Variants in PSD3 observed in about 807,000 individuals in gnomAD.
The protein encoded by PSD3 is pleckstrin and Sec7 domain containing 3.
PSD3 carries 49 observed loss-of-function variants against 105.5 expected under a neutral mutation model. The observed-to-expected ratio is 0.46, with a 90% confidence interval of 0.37 to 0.59. PSD3 has a LOEUF of 0.59. Among genes scored for constraint, PSD3 ranks in the 20% least tolerant of loss-of-function variants. The pLI, the probability that PSD3 is intolerant of heterozygous loss-of-function variation, is 0.00. For synonymous variants in PSD3, 557 were observed against 457.8 expected, an observed-to-expected ratio of 1.22 and a Z score of -2.77; for missense variants, 1,561 against 1,263.8, an observed-to-expected ratio of 1.24 and a Z score of -3.57.
chr8:18,865,270 ATATATATATATATATATTTTTTTT>A (rs1816818411), intron 4 of PSD3: 3 of 2,336 alleles, frequency 1.3e-3, no homozygotes, highest in African/African-American at 5.0e-3. Flanking sequence ...ATATATATAT[ATATATATATATATATATTTTTTTT>A]TTTTTTTTTT....
intron 9 of PSD3, among the ~76,000 whole-genome samples, chr8:18,669,951 C>T (rs1437020926): frequency 3.9e-5 from 6 of 152,180 alleles, no homozygotes; most frequent in Non-Finnish European, 7.4e-5. Flanking sequence ...ATTTAGGCAT[C>T]GTGAATCCAG....
intron 4 of PSD3, among the ~76,000 whole-genome samples, chr8:18,837,435 C>G (rs1027286808): frequency 3.9e-5 from 6 of 152,174 alleles, no homozygotes; most frequent in African/African-American, 7.2e-5. Flanking sequence ...ATACGCCAAG[C>G]TCAAGAGGAG....
chr8:18,602,078 G>T (rs4921941), intron 11 of PSD3, among the ~76,000 whole-genome samples: 7 of 152,018 alleles, frequency 4.6e-5, no homozygotes, highest in African/African-American at 7.3e-5. Flanking sequence ...GCTAATGCTG[G>T]AATGGAACCT....
intron 4 of PSD3, among the ~76,000 whole-genome samples, chr8:18,847,201 G>C (rs936994740): frequency 6.6e-6 from 1 of 152,180 alleles, no homozygotes; most frequent in Non-Finnish European, 1.5e-5. Context: ...CCAGTCACTT[G>C]AGCCAAGGAA....
chr8:19,007,335 G>T (rs1432362757), intron 1 of PSD3, among the ~76,000 whole-genome samples: 16 of 152,086 alleles, frequency 1.1e-4, no homozygotes. Context: ...TTGCTGTAAA[G>T]TTGCCCTAAT....
chr8:18,629,972 T>C (rs997158854), intron 11 of PSD3, among the ~76,000 whole-genome samples: 9 of 151,764 alleles, frequency 5.9e-5, no homozygotes, highest in Admixed American at 3.3e-4. Context: ...GCCTGAGGAA[T>C]TAAAGGCAGC....
At chr8:18,738,900 CA>C (rs1053157904) in intron 9 of PSD3, among the ~76,000 whole-genome samples, 2 of 2,994 alleles carry the variant, frequency 6.7e-4, no homozygotes, top group South Asian at 0.083. Flanking sequence ...AAATTCTAGT[CA>C]TTTTTTTTGT....
chr8:18,714,351 A>C (rs1369699333), intron 9 of PSD3, among the ~76,000 whole-genome samples: 2 of 152,010 alleles, frequency 1.3e-5, no homozygotes, highest in Non-Finnish European at 2.9e-5. Flanking sequence ...CAACCCACAG[A>C]ATGGGAAAAA....
At chr8:18,873,697 C>A (rs1817540732) in intron 2 of PSD3, among the ~76,000 whole-genome samples, 2 of 152,118 alleles carry the variant, frequency 1.3e-5, no homozygotes, top group Admixed American at 6.5e-5. Flanking sequence ...TACCTATCTG[C>A]AATTTTGTAT....
intron 1 of PSD3, among the ~76,000 whole-genome samples, chr8:19,018,946 A>G (rs1422551464): frequency 1.3e-5 from 2 of 152,170 alleles, no homozygotes; most frequent in Non-Finnish European, 2.9e-5. Flanking sequence ...ACAGGCGCAC[A>G]CAGCCACACC....
chr8:18,787,948 G>C (rs1023343310), intron 8 of PSD3, among the ~76,000 whole-genome samples: 9 of 152,192 alleles, frequency 5.9e-5, no homozygotes, highest in African/African-American at 2.2e-4. Context: ...AAGGACCAGA[G>C]AGTAAATATT....
At chr8:18,728,506 C>A (rs564445457) in intron 9 of PSD3, among the ~76,000 whole-genome samples, 1 of 152,190 alleles carries the variant, frequency 6.6e-6, no homozygotes, top group South Asian at 2.1e-4. Context: ...GTGTTTCAGG[C>A]AGAGGAAACA....
intron 1 of PSD3, among the ~76,000 whole-genome samples, chr8:18,983,459 C>T (rs1825341937): frequency 6.6e-6 from 1 of 152,208 alleles, no homozygotes. Flanking sequence ...CTTCAACACG[C>T]CCTTCTCACT....
At chr8:18,706,670 C>T (rs909960607) in intron 9 of PSD3, among the ~76,000 whole-genome samples, 8 of 152,294 alleles carry the variant, frequency 5.3e-5, no homozygotes, top group African/African-American at 1.7e-4. Context: ...GATATAGAAG[C>T]TGCATCTAAT....
intron 14 of PSD3, among the ~76,000 whole-genome samples, chr8:18,557,744 T>C (rs1448459236): frequency 6.6e-6 from 1 of 152,246 alleles, no homozygotes; most frequent in African/African-American, 2.4e-5. Flanking sequence ...GAAAGGCGTC[T>C]ACATCTCCAA....
chr8:19,006,105 C>A lies in PSD3; in HGVS notation c.21+7458G>T, dbSNP rs180687524. Among the ~76,000 whole-genome samples the A allele has an allele frequency of 1.8e-3, 280 of 151,422 alleles. 2 individuals carry two copies. Among genetic ancestry groups the A allele is most frequent in the African/African-American group, 6.5e-3 (269 of 41,326 alleles). ...GTCAAGAGATTCAGATCATCCTGGGCCAAAATGGTGAAACCCGTCTCTATT... is the reference window on the plus strand; with the variant it reads ...GTCAAGAGATTCAGATCATCCTGGGACAAAATGGTGAAACCCGTCTCTATT... On this transcript the variant is annotated intron_variant, in intron 1 of 15. Coordinates refer to ENST00000327040, the MANE Select transcript of PSD3 (RefSeq NM_015310.4).
chr8:18,692,884 G>T (rs888600315), intron 9 of PSD3, among the ~76,000 whole-genome samples: 1 of 152,116 alleles, frequency 6.6e-6, no homozygotes, highest in African/African-American at 2.4e-5. Context: ...AGATAGTTGG[G>T]GAACAATTAA....
intron 9 of PSD3, among the ~76,000 whole-genome samples, chr8:18,696,997 C>T (rs1020646007): frequency 6.6e-6 from 1 of 152,136 alleles, no homozygotes; most frequent in African/African-American, 2.4e-5. Context: ...CACTTTGCCA[C>T]TTTGCGGGGA....
chr8:18,815,127 C>T (rs1433961202), intron 4 of PSD3, among the ~76,000 whole-genome samples: 1 of 152,152 alleles, frequency 6.6e-6, no homozygotes, highest in Non-Finnish European at 1.5e-5. Context: ...ATAAATGCTA[C>T]AATCTAGCCA....
Sources: gnomAD v4.1 joint callset for allele counts (sites outside exome capture counted in the v4.1 genomes callset) on GRCh38, gnomAD v4.1.1 for gene constraint, MANE v1.5 for transcripts, NCBI Gene and HGNC (gene_info 2026-07-23, HGNC 2026-07-21) for gene names.